The following CDK14 variants were observed in gnomAD, a reference collection of about 807,000 sequenced individuals.
The protein encoded by CDK14 is cyclin dependent kinase 14.
In CDK14, 34 loss-of-function variants were observed where a neutral mutation model predicts 60.7. That is an observed-to-expected ratio of 0.56 (90% CI 0.43 to 0.75). The LOEUF (loss-of-function observed/expected upper bound fraction) is 0.75, where lower values mean the gene tolerates loss of function less well. Among genes scored for constraint, CDK14 ranks in the 30% least tolerant of loss-of-function variants. The pLI, the probability that CDK14 is intolerant of heterozygous loss-of-function variation, is 0.00. For missense variants in CDK14, 482 were observed against 564.1 expected, an observed-to-expected ratio of 0.85 and a Z score of 1.47; for synonymous variants, 197 against 203.7, an observed-to-expected ratio of 0.97 and a Z score of 0.28.
intron 14 of CDK14, among the ~76,000 whole-genome samples, chr7:91,172,384 C>A (rs1801548081): frequency 6.6e-6 from 1 of 152,216 alleles, no homozygotes; most frequent in Non-Finnish European, 1.5e-5. Flanking sequence ...CTCCTCCACC[C>A]CCCATTGTCT....
chr7:91,064,065 G>T (rs960908616), intron 11 of CDK14, among the ~76,000 whole-genome samples: 1 of 152,152 alleles, frequency 6.6e-6, no homozygotes, highest in East Asian at 1.9e-4. Context: ...GAATTTGAAA[G>T]ACATATGTTT....
At chr7:91,106,629 A>G (rs1316019580) in intron 12 of CDK14, among the ~76,000 whole-genome samples, 1 of 152,244 alleles carries the variant, frequency 6.6e-6, no homozygotes, top group Admixed American at 6.5e-5. Context: ...TTAGAATTAA[A>G]GTATTCCAAT....
At chr7:91,128,918 T>C (rs912506442) in intron 14 of CDK14, among the ~76,000 whole-genome samples, 2 of 152,170 alleles carry the variant, frequency 1.3e-5, no homozygotes, top group Non-Finnish European at 2.9e-5. Context: ...CTGGTACATA[T>C]TGACATTCTT....
At chr7:91,107,188 A>G (rs969912763) in intron 12 of CDK14, among the ~76,000 whole-genome samples, 4 of 152,208 alleles carry the variant, frequency 2.6e-5, no homozygotes, top group African/African-American at 9.7e-5. Context: ...CAAGTGTAGT[A>G]TAAAGTGTGG....
chr7:90,726,451 T>C, intron 2 of CDK14, 116 bp from the exon 3 acceptor site: 1 of 1,277,500 alleles, frequency 7.8e-7, no homozygotes, highest in Non-Finnish European at 1.1e-6. Context: ...GAATGTGGGC[T>C]TTTTGGGTAT....
intron 5 of CDK14, among the ~76,000 whole-genome samples, chr7:90,839,169 A>G (rs1790210229): frequency 6.6e-6 from 1 of 152,228 alleles, no homozygotes; most frequent in Non-Finnish European, 1.5e-5. Flanking sequence ...GTTGAGCAAG[A>G]AAGTTTTGTA....
intron 3 of CDK14, among the ~76,000 whole-genome samples, chr7:90,733,974 T>G (rs983383496): frequency 2.6e-5 from 4 of 152,250 alleles, no homozygotes; most frequent in Admixed American, 2.0e-4. Context: ...GTTTAGTGCT[T>G]CCTTCAGGAG....
chr7:90,630,448 C>A (rs1221407093), intron 2 of CDK14, among the ~76,000 whole-genome samples: 1 of 152,108 alleles, frequency 6.6e-6, no homozygotes, highest in Non-Finnish European at 1.5e-5. Flanking sequence ...CTTATGGGAC[C>A]AGAATTATAT....
chr7:90,761,644 TGAG>T (rs1434053530), intron 4 of CDK14, among the ~76,000 whole-genome samples: 1 of 152,168 alleles, frequency 6.6e-6, no homozygotes, highest in Non-Finnish European at 1.5e-5. Context: ...TTTCACAACT[TGAG>T]GAGTGGTGGT....
At chr7:91,091,492 T>A (rs1798820061) in intron 12 of CDK14, among the ~76,000 whole-genome samples, 1 of 89,482 alleles carries the variant, frequency 1.1e-5, no homozygotes, top group African/African-American at 5.0e-5. Context: ...TATATGTAGT[T>A]TATATATTTT....
chr7:90,843,030 T>C (rs902454382), intron 5 of CDK14, among the ~76,000 whole-genome samples: 4 of 152,354 alleles, frequency 2.6e-5, no homozygotes, highest in African/African-American at 9.6e-5. Context: ...ATTGTGCTTA[T>C]AAGAAATGTT....
intron 9 of CDK14, among the ~76,000 whole-genome samples, chr7:90,980,223 A>C (rs1349888924): frequency 6.6e-6 from 1 of 152,140 alleles, no homozygotes; most frequent in Admixed American, 6.6e-5. Flanking sequence ...AACTAATCCT[A>C]AAATAAGAGT....
At chr7:90,774,572 A>G (rs762237913) in intron 4 of CDK14, among the ~76,000 whole-genome samples, 34 of 152,168 alleles carry the variant, frequency 2.2e-4, no homozygotes, top group African/African-American at 4.6e-4. Flanking sequence ...AACATTTCCT[A>G]TAAGTATGCA....
intron 14 of CDK14, among the ~76,000 whole-genome samples, chr7:91,175,993 C>T (rs1306670707): frequency 6.6e-6 from 1 of 152,176 alleles, no homozygotes; most frequent in Non-Finnish European, 1.5e-5. Flanking sequence ...CACCCCAAAT[C>T]AACAGAATAC....
chr7:91,007,180 T>C (rs900370482), intron 10 of CDK14, among the ~76,000 whole-genome samples: 3 of 152,210 alleles, frequency 2.0e-5, no homozygotes, highest in African/African-American at 7.2e-5. Context: ...CATCCCACCT[T>C]AGTGCCAGTG....
chr7:91,183,340 CTCT>C (rs1802063772), intron 14 of CDK14, among the ~76,000 whole-genome samples: 1 of 152,194 alleles, frequency 6.6e-6, no homozygotes, highest in Non-Finnish European at 1.5e-5. Context: ...CAAAGCTGGT[CTCT>C]TCTCCCCTTA....
chr7:91,137,066 C>G (rs527738787), intron 14 of CDK14, among the ~76,000 whole-genome samples: 18 of 151,190 alleles, frequency 1.2e-4, no homozygotes, highest in Admixed American at 7.2e-4. Context: ...AAGTTGGAAG[C>G]TAAGACATTG....
intron 10 of CDK14, among the ~76,000 whole-genome samples, chr7:91,036,003 C>T (rs1796922916): frequency 2.0e-5 from 3 of 152,054 alleles, no homozygotes; most frequent in South Asian, 4.2e-4. Context: ...GCCACCGCAC[C>T]CGGCTAATTT....
intron 2 of CDK14, among the ~76,000 whole-genome samples, chr7:90,677,165 G>A (rs1801217029): frequency 6.6e-6 from 1 of 152,146 alleles, no homozygotes; most frequent in South Asian, 2.1e-4. Flanking sequence ...CATTACAAGT[G>A]CTTAGACAAA....
Sources: gnomAD v4.1 joint callset for allele counts (sites outside exome capture counted in the v4.1 genomes callset) on GRCh38, gnomAD v4.1.1 for gene constraint, MANE v1.5 for transcripts, NCBI Gene and HGNC (gene_info 2026-07-23, HGNC 2026-07-21) for gene names.